Variants in GAS2 observed in about 807,000 individuals in gnomAD.
GAS2 encodes the protein growth arrest-specific protein 2.
GAS2 carries 20 observed loss-of-function variants against 37.5 expected under a neutral mutation model. The ratio of observed to expected loss-of-function variants is 0.53; its 90% CI spans 0.37 to 0.77. GAS2 has a LOEUF of 0.77. GAS2 is among the 30% of genes least tolerant of loss of function. The pLI is 0.00. For missense variants in GAS2, 336 were observed against 373.4 expected (o/e 0.90, Z 0.82); for synonymous variants, 144 against 132.2 (o/e 1.09, Z -0.61).
At chr11:22,734,597 TGAAAA>T (rs1852652390) in intron 4 of GAS2, among the ~76,000 whole-genome samples, 1 of 151,464 alleles carries the variant, frequency 6.6e-6, no homozygotes, top group Non-Finnish European at 1.5e-5. Flanking sequence ...AAAATAATAA[TGAAAA>T]GAAAAAAATA....
intron 7 of GAS2, among the ~76,000 whole-genome samples, chr11:22,810,580 G>T (rs1857109051): frequency 6.6e-6 from 1 of 152,102 alleles, no homozygotes; most frequent in South Asian, 2.1e-4. Context: ...AAATCAAATA[G>T]CTTTAATTAC....
chr11:22,728,150 G>C (rs1477172796), intron 4 of GAS2, among the ~76,000 whole-genome samples: 1 of 151,874 alleles, frequency 6.6e-6, no homozygotes, highest in African/African-American at 2.4e-5. Context: ...AGGATAAATT[G>C]GTTAATAAAA....
At chr11:22,658,869 C>G (rs911683588) in intron 1 of GAS2, among the ~76,000 whole-genome samples, 5 of 152,126 alleles carry the variant, frequency 3.3e-5, no homozygotes, top group Admixed American at 1.3e-4. Context: ...ATTCTAAATG[C>G]CATAAATCTG....
intron 1 of GAS2, among the ~76,000 whole-genome samples, chr11:22,628,294 G>A (rs1365129411): frequency 6.6e-6 from 1 of 152,160 alleles, no homozygotes; most frequent in Non-Finnish European, 1.5e-5. Flanking sequence ...TGACAGGAGA[G>A]TTCTGGGAAG....
chr11:22,688,700 GC>G (rs1385840503), intron 3 of GAS2, among the ~76,000 whole-genome samples: 2 of 152,072 alleles, frequency 1.3e-5, no homozygotes, highest in Non-Finnish European at 2.9e-5. Flanking sequence ...GTGAACCTGA[GC>G]AAATTTTTAA....
chr11:22,731,173 A>G (rs1852455966), intron 4 of GAS2, among the ~76,000 whole-genome samples: 1 of 151,776 alleles, frequency 6.6e-6, no homozygotes, highest in Admixed American at 6.6e-5. Flanking sequence ...TGTCAAGTTA[A>G]CTTTTTTTCC....
rs1849360209 is a variant in GAS2, at chr11:22,675,013, A to G, written c.144A>G (p.Leu48=). 8 of 1,613,448 alleles carry G rather than the reference A, an allele frequency of 5.0e-6. No individual in the cohort carries two copies. The highest frequency in any genetic ancestry group is 6.8e-6 in the Non-Finnish European group (8 of 1,179,662). ...TGGCCTTGTGGTTAACCAATCTATT[A>G]GGTAAGGTTATAAGATCTCATTTTG... ...EDLALWLTNL[L]GKEITAETFM... Residue 48 remains leucine (L), a splice_region_variant and synonymous_variant, in exon 2 of 8, where the codon TTA becomes TTG. Transcript: ENST00000454584.
intron 1 of GAS2, among the ~76,000 whole-genome samples, chr11:22,647,200 A>C (rs1489538711): frequency 6.6e-6 from 1 of 150,886 alleles, no homozygotes; most frequent in Non-Finnish European, 1.5e-5. Context: ...GCGATAGTTT[A>C]CTGAGAATGA....
In GAS2 at chr11:22,650,549, G is replaced by T. The variant is rs1340598187; in HGVS notation, c.-20-24301G>T. 2.7e-3 allele frequency among the ~76,000 whole-genome samples: 396 copies of T among 148,370 alleles called. 3 individuals carry two copies. Among genetic ancestry groups the T allele is most frequent in the African/African-American group, 9.3e-3 (378 of 40,492 alleles). Reference sequence around the variant, plus strand: ...AGTCTCCCATTATTAATGTGTGGGAGTCTAAGTCTCTTTGTAGGTCACTCA... The same window carrying T: ...AGTCTCCCATTATTAATGTGTGGGATTCTAAGTCTCTTTGTAGGTCACTCA... On this transcript the variant is annotated intron_variant, in intron 1 of 5. Transcript: ENST00000528582.
intron 1 of GAS2, among the ~76,000 whole-genome samples, chr11:22,639,085 C>T: frequency 6.6e-6 from 1 of 152,080 alleles, no homozygotes; most frequent in East Asian, 1.9e-4. Flanking sequence ...ACTTTGCAAA[C>T]ATGTTTGCCA....
chr11:22,763,764 A>T (rs1016470107), intron 7 of GAS2, among the ~76,000 whole-genome samples: 1 of 152,052 alleles, frequency 6.6e-6, no homozygotes, highest in Non-Finnish European at 1.5e-5. Context: ...TTTGCTTCTG[A>T]TGTATATAAA....
intron 1 of GAS2, among the ~76,000 whole-genome samples, chr11:22,631,368 G>T (rs554894606): frequency 6.6e-6 from 1 of 152,146 alleles, no homozygotes; most frequent in South Asian, 2.1e-4. Flanking sequence ...GACTTCCGAT[G>T]CTGTGTTGAA....
At chr11:22,633,961 T>C in intron 1 of GAS2, among the ~76,000 whole-genome samples, 1 of 152,134 alleles carries the variant, frequency 6.6e-6, no homozygotes, top group East Asian at 1.9e-4. Context: ...TGCCAAGCTC[T>C]TGTGGGAGAA....
intron 3 of GAS2, among the ~76,000 whole-genome samples, chr11:22,695,964 T>G (rs1850488930): frequency 6.6e-6 from 1 of 152,132 alleles, no homozygotes; most frequent in Non-Finnish European, 1.5e-5. Flanking sequence ...TATTATACTT[T>G]AAGTTTTAGG....
chr11:22,642,693 TA>T (rs1848643728), intron 1 of GAS2, among the ~76,000 whole-genome samples: 1 of 152,192 alleles, frequency 6.6e-6, no homozygotes, highest in Non-Finnish European at 1.5e-5. Flanking sequence ...GTAATTATGT[TA>T]AAAATGACGT....
intron 1 of GAS2, among the ~76,000 whole-genome samples, chr11:22,673,562 C>T (rs1256956243): frequency 6.6e-6 from 1 of 152,168 alleles, no homozygotes; most frequent in East Asian, 1.9e-4. Context: ...ACATTAACTG[C>T]TTCATTAGTT....
intron 5 of GAS2, among the ~76,000 whole-genome samples, chr11:22,747,055 C>T (rs1853448630): frequency 6.6e-6 from 1 of 152,092 alleles, no homozygotes; most frequent in South Asian, 2.1e-4. Flanking sequence ...TAGTTTTGGA[C>T]AAGGTTGAAG....
At chr11:22,649,983 T>C (rs1419597482) in intron 1 of GAS2, among the ~76,000 whole-genome samples, 3 of 152,142 alleles carry the variant, frequency 2.0e-5, no homozygotes, top group Non-Finnish European at 4.4e-5. Context: ...TTGCTCTTGC[T>C]TTTCTAGTTC....
chr11:22,757,958 T>C (rs1854141835), intron 7 of GAS2, among the ~76,000 whole-genome samples: 1 of 152,146 alleles, frequency 6.6e-6, no homozygotes, highest in East Asian at 1.9e-4. Context: ...GTGCCTTGAA[T>C]TGTATATTTT....
Sources: gnomAD v4.1 joint callset for allele counts (sites outside exome capture counted in the v4.1 genomes callset) on GRCh38, gnomAD v4.1.1 for gene constraint, MANE v1.5 for transcripts, NCBI Gene and HGNC (gene_info 2026-07-23, HGNC 2026-07-21) for gene names.